Variants in PSMC2 observed in about 807,000 individuals in gnomAD.
PSMC2 encodes 26S proteasome regulatory subunit 7.
In PSMC2, 7 loss-of-function variants were observed where a neutral mutation model predicts 53.3. The observed-to-expected ratio is 0.13, with a 90% CI of 0.07 to 0.25. The LOEUF (loss-of-function observed/expected upper bound fraction) is 0.25. PSMC2 is among the 10% of genes least tolerant of loss of function. PSMC2 has a pLI of 1.00. For missense variants in PSMC2, 241 were observed against 544.0 expected, an observed-to-expected ratio of 0.44 and a Z score of 5.54; for synonymous variants, 169 against 183.9, an observed-to-expected ratio of 0.92 and a Z score of 0.66.
rs767092398 is a variant in PSMC2 at position 103,364,259 on chromosome 7, C to T, written c.708C>T (p.Cys236=). The change falls in exon 8 of 12, where the codon TGC becomes TGT. Residue 236 remains cysteine (C), a synonymous_variant. Transcript: ENST00000292644. ...ARAVANRTDA[C]FIRVIGSELV... is the part of the protein sequence containing the mutation. ...CAGTTGCTAATCGGACTGATGCGTGCTTCATTCGAGTTATTGGATCTGAGC... is the reference window on the plus strand; with the variant it reads ...CAGTTGCTAATCGGACTGATGCGTGTTTCATTCGAGTTATTGGATCTGAGC... 7 of 1,614,050 alleles carry T rather than the reference C, an allele frequency of 4.3e-6. No homozygotes were observed. The South Asian group carries it at 7.7e-5, about 18-fold the overall frequency.
intron 1 of PSMC2, among the ~76,000 whole-genome samples, chr7:103,350,522 A>G (rs1819703973): frequency 6.6e-6 from 1 of 152,108 alleles, no homozygotes; most frequent in Non-Finnish European, 1.5e-5. Context: ...ACAGTCTTGC[A>G]CTGTCGCTCA....
At chr7:103,365,286 C>T (rs1820651545) in intron 8 of PSMC2, among the ~76,000 whole-genome samples, 1 of 152,012 alleles carries the variant, frequency 6.6e-6, no homozygotes, top group African/African-American at 2.4e-5. Flanking sequence ...TATTTTAAGG[C>T]TGGCAAGATT....
At position 103,367,330 on chromosome 7, in the gene PSMC2, T is replaced by G. The variant is rs1820767830; in HGVS notation, c.845-83T>G. ...TTGTGCCTGAGGACATGATTTGAGC[T>G]GAGATTTTTGGTACTTTCAGGTCAT... On this transcript the variant is annotated intron_variant, in intron 9 of 11. Coordinates refer to ENST00000292644, the MANE Select transcript of PSMC2 (RefSeq NM_002803.4). The surrounding 1 kb of genome is among the most constrained non-coding windows in gnomAD (Gnocchi z 6.1). The G allele has an allele frequency of 2.3e-6, 3 of 1,331,792 alleles. No individual in the cohort carries two copies. Among genetic ancestry groups the G allele is most frequent in the Middle Eastern group, 5.2e-4 (2 of 3,820 alleles). 82.5% of individuals were successfully genotyped at this position (1,331,792 alleles called of 1,614,324 possible). A position where few individuals can be genotyped will look rare whatever the true frequency, so the allele number is the denominator to read the frequency against.
At chr7:103,359,172 A>ATTTTTTTTTTTTTTTTTTTTTTT (rs1586155184) in intron 4 of PSMC2, among the ~76,000 whole-genome samples, 5 of 58,386 alleles carry the variant, frequency 8.6e-5, no homozygotes, top group Non-Finnish European at 1.3e-4. Context: ...TTTTTTTTTA[A>ATTTTTTTTTTTTTTTTTTTTTTT]TTTTTAGTAG....
chr7:103,355,011 T>G, intron 3 of PSMC2, 62 bp downstream of exon 3: 1 of 1,090,762 alleles, frequency 9.2e-7, no homozygotes, highest in Non-Finnish European at 1.4e-6. Flanking sequence ...ATATCAAGAG[T>G]TTAAATACAG....
intron 7 of PSMC2, 147 bp downstream of exon 7, chr7:103,363,586 G>A: frequency 2.8e-6 from 2 of 702,418 alleles, no homozygotes; most frequent in East Asian, 5.4e-5. Flanking sequence ...GGTGTGGAGA[G>A]TTGGTAAGTT....
At chr7:103,366,236 T>C (rs1820712074) in intron 9 of PSMC2, 73 bp downstream of exon 9, 2 of 1,317,184 alleles carry the variant, frequency 1.5e-6, no homozygotes, top group South Asian at 2.5e-5. Flanking sequence ...TGTCGTGATA[T>C]GTTAATCTTG....
intron 8 of PSMC2, 123 bp from the exon 9 acceptor site, chr7:103,365,951 GTT>G (rs1182042541): frequency 2.0e-5 from 15 of 748,916 alleles, no homozygotes; most frequent in Admixed American, 3.0e-5. Context: ...AATAAAAAAC[GTT>G]TAGGTAATAA....
At chr7:103,351,837 T>C (rs1819748384) in intron 1 of PSMC2, among the ~76,000 whole-genome samples, 1 of 152,154 alleles carries the variant, frequency 6.6e-6, no homozygotes, top group East Asian at 1.9e-4. Flanking sequence ...TTTGATCCTC[T>C]CCCGTCAGCT....
At chr7:103,355,110 A>G (rs1162790129) in intron 3 of PSMC2, among the ~76,000 whole-genome samples, 161 bp downstream of exon 3, 1 of 152,236 alleles carries the variant, frequency 6.6e-6, no homozygotes, top group Non-Finnish European at 1.5e-5. Flanking sequence ...CATATCTTTC[A>G]CTGCTTTTTA....
intron 8 of PSMC2, among the ~76,000 whole-genome samples, chr7:103,364,958 CATATATATATATATAT>C (rs59914167): frequency 1.6e-5 from 2 of 125,502 alleles, no homozygotes; most frequent in Admixed American, 1.7e-4. Context: ...TGTAGACATA[CATATATATATATATAT>C]ATATATATAT....
At chr7:103,356,520 A>G (rs1820041162) in intron 4 of PSMC2, among the ~76,000 whole-genome samples, 1 of 152,220 alleles carries the variant, frequency 6.6e-6, no homozygotes, top group Non-Finnish European at 1.5e-5. Flanking sequence ...CAATTTTTAC[A>G]CTTTTGCCAT....
intron 1 of PSMC2, among the ~76,000 whole-genome samples, chr7:103,352,215 TAAAAAAAAAA>T (rs769618353): frequency 4.1e-3 from 167 of 40,620 alleles, no homozygotes; most frequent in Non-Finnish European, 6.1e-3. Flanking sequence ...CATACTTAGT[TAAAAAAAAAA>T]AAAAAAAAAA....
intron 4 of PSMC2, among the ~76,000 whole-genome samples, chr7:103,357,747 G>C (rs1820119277): frequency 1.3e-5 from 2 of 152,134 alleles, no homozygotes; most frequent in South Asian, 4.1e-4. Context: ...ACTTCTTTTA[G>C]TGGTGGTTGT....
Position 103,366,122 on chromosome 7 carries a change from A to G in PSMC2, c.803A>G (p.Lys268Arg). Residue 268 changes from lysine (K) to arginine (R), a missense_variant, in exon 9 of 12, where the codon AAA (lysine) becomes AGA (arginine). Around this residue, in one of 6 missense-constraint regions of PSMC2, gnomAD observed 26 missense variants for 104.7 expected, o/e 0.25. Transcript: ENST00000292644. ...RELFEMARTKKACLIFFDEID... is the reference protein window; with the variant it reads ...RELFEMARTKRACLIFFDEID... ...CTCTTTGAAATGGCCAGAACAAAAA[A>G]AGCCTGCCTTATCTTCTTTGATGAA... The G allele has an allele frequency of 6.2e-7, 1 of 1,614,072 alleles. No individual in the cohort carries two copies. The highest frequency in any genetic ancestry group is 8.5e-7 in the Non-Finnish European group (1 of 1,179,958).
rs868355593 is a variant in PSMC2 at position 103,368,290 on chromosome 7, C to T, written c.*236C>T. ...TTTAAGGATTTCACATCATACAAAG[C>T]GCTTGCTTAGATGGCTTCTATCCTA... On this transcript the variant is annotated 3_prime_UTR_variant, in exon 12 of 12. Coordinates refer to ENST00000292644, the MANE Select transcript of PSMC2 (RefSeq NM_002803.4). The T allele has an allele frequency of 1.3e-4, 51 of 407,958 alleles. No individual in the cohort carries two copies. Among genetic ancestry groups the T allele is most frequent in the African/African-American group, 8.9e-4 (43 of 48,502 alleles). 25.3% of individuals were successfully genotyped at this position (407,958 alleles called of 1,614,324 possible).
intron 1 of PSMC2, chr7:103,352,983 C>G: frequency 1.3e-6 from 1 of 780,012 alleles, no homozygotes. Flanking sequence ...TTTTTTACCA[C>G]TCTGTCTATT....
intron 1 of PSMC2, chr7:103,352,824 G>A (rs1819796114): frequency 1.3e-6 from 1 of 780,444 alleles, no homozygotes. Flanking sequence ...AGATTCCAGA[G>A]CTGGCATTCA....
In PSMC2 at chr7:103,367,348, C is replaced by CA. The variant is rs1820769294; in HGVS notation, c.845-64dup. 1 of 1,508,978 alleles carries CA rather than the reference C, an allele frequency of 6.6e-7. No homozygotes were observed. The highest frequency in any genetic ancestry group is 1.4e-5 in the African/African-American group (1 of 72,578). 93.5% of individuals were successfully genotyped at this position (1,508,978 alleles called of 1,614,324 possible). A position where few individuals can be genotyped will look rare whatever the true frequency, so the allele number is the denominator to read the frequency against. On this transcript the variant is annotated intron_variant, in intron 9 of 11. Transcript: ENST00000292644. This position sits in a 1 kb window ranked among gnomAD's most constrained non-coding sequence, Gnocchi z 6.1. ...TTTGAGCTGAGATTTTTGGTACTTT[C>CA]AGGTCATGCATAGTGCTACTCTTGA...
Sources: allele counts gnomAD v4.1 joint callset (sites outside exome capture counted in the v4.1 genomes callset), GRCh38; gene constraint gnomAD v4.1.1; regional missense constraint gnomAD v4.1.1; non-coding constraint Gnocchi (gnomAD v3.1); transcripts MANE v1.5; gene names NCBI Gene and HGNC (gene_info 2026-07-23, HGNC 2026-07-21).